DENND1A: variants seen among roughly 807,000 people sequenced by gnomAD.
DENND1A encodes DENN domain containing 1A.
A neutral mutation model predicts 113.7 loss-of-function variants in DENND1A; 51 were observed. That is an observed-to-expected ratio of 0.45 (90% CI 0.36 to 0.57). DENND1A has a LOEUF of 0.57. Among genes scored for constraint, DENND1A ranks in the 20% least tolerant of loss-of-function variants. DENND1A has a pLI of 0.00. For synonymous variants in DENND1A, 565 were observed against 570.8 expected, an observed-to-expected ratio of 0.99 and a Z score of 0.14; for missense variants, 1,258 against 1,395.9, an observed-to-expected ratio of 0.90 and a Z score of 1.57.
At chr9:123,414,383 C>T in intron 19 of DENND1A, 1 of 1,429,818 alleles carries the variant, frequency 7.0e-7, no homozygotes. Flanking sequence ...CATTTGTTTC[C>T]AGAGAGGACT....
intron 2 of DENND1A, among the ~76,000 whole-genome samples, chr9:123,819,854 T>A (rs1315450339): frequency 6.6e-6 from 1 of 152,250 alleles, no homozygotes; most frequent in African/African-American, 2.4e-5. Flanking sequence ...GAAGATATTT[T>A]AATTTTTCTC....
At chr9:123,622,613 G>A (rs1056065672) in intron 10 of DENND1A, among the ~76,000 whole-genome samples, 1 of 152,150 alleles carries the variant, frequency 6.6e-6, no homozygotes, top group Non-Finnish European at 1.5e-5. Flanking sequence ...TATTAGTAAG[G>A]AAAGCTTTAA....
chr9:123,686,149 G>C (rs553903855), intron 5 of DENND1A, among the ~76,000 whole-genome samples: 1 of 152,302 alleles, frequency 6.6e-6, no homozygotes, highest in South Asian at 2.1e-4. Context: ...ATGCAGTAAG[G>C]GGGGAAACTA....
In DENND1A at chr9:123,557,838, G is replaced by A. The variant is rs796144891; in HGVS notation, c.868-143C>T. 66 of 990,316 alleles carry A rather than the reference G, an allele frequency of 6.7e-5. No homozygotes were observed. In the African/African-American group the frequency reaches 7.5e-4, roughly 11 times the overall value. The allele number at this position is 990,316 out of a possible 1,614,324, so 61.3% of individuals were successfully genotyped here. A position where few individuals can be genotyped will look rare whatever the true frequency, so the allele number is the denominator to read the frequency against. Reference sequence around the variant, plus strand: ...CCTCAGTTACTGGGAGGACAAAAACGTGTTCAGGCTGGGTGCAGTGGCACA... The same window carrying A: ...CCTCAGTTACTGGGAGGACAAAAACATGTTCAGGCTGGGTGCAGTGGCACA... On this transcript the variant is annotated intron_variant, in intron 12 of 23. Transcript: ENST00000394215.
At chr9:123,624,332 A>G (rs1199735341) in intron 10 of DENND1A, among the ~76,000 whole-genome samples, 3 of 152,242 alleles carry the variant, frequency 2.0e-5, no homozygotes, top group African/African-American at 7.2e-5. Flanking sequence ...GCATAATAGA[A>G]TGAAGTTATT....
chr9:123,402,612 A>G (rs74944200), intron 21 of DENND1A: 1 of 534,646 alleles, frequency 1.9e-6, no homozygotes, highest in Non-Finnish European at 3.8e-6. Flanking sequence ...CACTTTTTCA[A>G]GGCATCACAG....
At chr9:123,398,567 C>T (rs936559382) in intron 21 of DENND1A, among the ~76,000 whole-genome samples, 3 of 150,576 alleles carry the variant, frequency 2.0e-5, no homozygotes, top group Non-Finnish European at 3.0e-5. Context: ...TTAGTAGAGA[C>T]GGGGTTTCAC....
At chr9:123,813,271 C>T (rs1306563334) in intron 2 of DENND1A, among the ~76,000 whole-genome samples, 1 of 152,098 alleles carries the variant, frequency 6.6e-6, no homozygotes, top group Non-Finnish European at 1.5e-5. Flanking sequence ...TTTGTTTGTG[C>T]TTTTTTACAT....
At chr9:123,665,457 A>G (rs1350051111) in intron 8 of DENND1A, among the ~76,000 whole-genome samples, 1 of 152,218 alleles carries the variant, frequency 6.6e-6, no homozygotes, top group Non-Finnish European at 1.5e-5. Context: ...AACATTTTCT[A>G]CCACAGTCTG....
chr9:123,886,067 C>A (rs1455764920), intron 1 of DENND1A, among the ~76,000 whole-genome samples: 1 of 152,194 alleles, frequency 6.6e-6, no homozygotes, highest in Non-Finnish European at 1.5e-5. Context: ...CGTGAGCCAC[C>A]ACACCCAGCC....
chr9:123,500,562 CTCTCTCAAATGGAGT>C (rs1173556856), intron 13 of DENND1A, among the ~76,000 whole-genome samples: 1 of 152,214 alleles, frequency 6.6e-6, no homozygotes, highest in Admixed American at 6.5e-5. Flanking sequence ...GCCTATCCTG[CTCTCTCAAATGGAGT>C]TAATCTCTCC....
At chr9:123,683,295 AC>A (rs2064590729) in intron 5 of DENND1A, among the ~76,000 whole-genome samples, 1 of 152,238 alleles carries the variant, frequency 6.6e-6, no homozygotes, top group East Asian at 1.9e-4. Context: ...GGATAGTAAC[AC>A]AACAGTCACA....
intron 18 of DENND1A, among the ~76,000 whole-genome samples, chr9:123,441,894 A>C (rs1217347055): frequency 6.6e-6 from 1 of 152,224 alleles, no homozygotes; most frequent in Non-Finnish European, 1.5e-5. Context: ...GGTTGCTCCT[A>C]ACTTCTCAGC....
chr9:123,607,537 A>T (rs2060221102), intron 11 of DENND1A, among the ~76,000 whole-genome samples: 4 of 127,206 alleles, frequency 3.1e-5, no homozygotes, highest in Admixed American at 3.0e-4. Flanking sequence ...AGAGAGAGAG[A>T]GAGAGAGAGA....
At chr9:123,653,122 GTGGATTTTA>G (rs2062746731) in intron 8 of DENND1A, among the ~76,000 whole-genome samples, 1 of 152,178 alleles carries the variant, frequency 6.6e-6, no homozygotes, top group Non-Finnish European at 1.5e-5. Context: ...AGTAAACCAG[GTGGATTTTA>G]CATGCAAAAT....
intron 21 of DENND1A, among the ~76,000 whole-genome samples, chr9:123,398,826 G>C (rs546738371): frequency 1.4e-5 from 2 of 144,166 alleles, no homozygotes; most frequent in Admixed American, 7.0e-5. Flanking sequence ...ACAGAGTCTC[G>C]TTCTGTTACT....
chr9:123,556,082 T>C (rs960594690), intron 13 of DENND1A, among the ~76,000 whole-genome samples: 4 of 152,172 alleles, frequency 2.6e-5, no homozygotes, highest in Non-Finnish European at 1.5e-5. Context: ...ATCAGAGCCA[T>C]GTCACTTTGA....
At chr9:123,488,778 C>G (rs1235093347) in intron 13 of DENND1A, among the ~76,000 whole-genome samples, 1 of 152,228 alleles carries the variant, frequency 6.6e-6, no homozygotes, top group Admixed American at 6.5e-5. Context: ...AGATGCTCCA[C>G]AAACCGAGAT....
intron 5 of DENND1A, among the ~76,000 whole-genome samples, chr9:123,717,277 C>G (rs1366010947): frequency 6.6e-6 from 1 of 152,140 alleles, no homozygotes; most frequent in Non-Finnish European, 1.5e-5. Context: ...TTGATCACCA[C>G]TGCAGTCCTG....
Sources: allele counts gnomAD v4.1 joint callset (sites outside exome capture counted in the v4.1 genomes callset), GRCh38; gene constraint gnomAD v4.1.1; transcripts MANE v1.5; gene names NCBI Gene and HGNC (gene_info 2026-07-23, HGNC 2026-07-21).